PTPRD: variants seen among roughly 807,000 people sequenced by gnomAD.
PTPRD encodes receptor-type tyrosine-protein phosphatase delta.
Under a neutral mutation model 214.5 loss-of-function variants are expected in PTPRD, and 34 were observed. The observed-to-expected ratio is 0.16, with a 90% CI of 0.12 to 0.21. The LOEUF is 0.21. Ranked by LOEUF, PTPRD falls within the 10% of genes least tolerant of loss-of-function variation. The pLI, the probability that PTPRD is intolerant of heterozygous loss-of-function variation, is 1.00. For missense variants in PTPRD, 2,545 were observed against 2,398.7 expected (o/e 1.06, Z -1.27); for synonymous variants, 1,128 against 845.7 (o/e 1.33, Z -5.79).
chr9:9,253,229 T>C (rs891256330), intron 9 of PTPRD, among the ~76,000 whole-genome samples: 2 of 152,058 alleles, frequency 1.3e-5, no homozygotes, highest in African/African-American at 2.4e-5. Context: ...GCCAGGATCA[T>C]GATATCTATT....
intron 36 of PTPRD, among the ~76,000 whole-genome samples, chr9:8,394,511 T>C (rs534317061): frequency 1.1e-3 from 162 of 152,290 alleles, no homozygotes; most frequent in Non-Finnish European, 1.9e-3. Context: ...CCTGGACTCC[T>C]GTCTAGGGCT....
At chr9:9,182,944 C>A (rs1439115949) in intron 10 of PTPRD, among the ~76,000 whole-genome samples, 1 of 151,892 alleles carries the variant, frequency 6.6e-6, no homozygotes, top group South Asian at 2.1e-4. Context: ...AATTTCATAG[C>A]AGCAGCAGCT....
intron 2 of PTPRD, among the ~76,000 whole-genome samples, chr9:10,498,180 T>A (rs2042657788): frequency 6.6e-6 from 1 of 151,990 alleles, no homozygotes; most frequent in Admixed American, 6.6e-5. Context: ...AGACATGACA[T>A]GCTACCTAAC....
intron 10 of PTPRD, among the ~76,000 whole-genome samples, chr9:9,146,898 A>C (rs1463221183): frequency 2.6e-5 from 4 of 152,156 alleles, no homozygotes; most frequent in Non-Finnish European, 4.4e-5. Context: ...GAACAACAAT[A>C]ACTAAACACA....
At position 8,320,891 on chromosome 9, in the gene PTPRD, A is replaced by T. The variant is rs1406978442; in HGVS notation, c.5535-925T>A. 2.6e-5 allele frequency among the ~76,000 whole-genome samples: 4 copies of T among 152,118 alleles called. 1 individual carries two copies. The South Asian group carries it at 6.2e-4, about 24-fold the overall frequency. On this transcript the variant is annotated intron_variant, in intron 44 of 45. Transcript: ENST00000381196. ...AGGGAAACAGTGAATAATCTGAAAA[A>T]TCCCTGCATTTTTGGATCCTAATTA...
chr9:9,666,676 C>A (rs961773658), intron 7 of PTPRD, among the ~76,000 whole-genome samples: 2 of 151,998 alleles, frequency 1.3e-5, no homozygotes, highest in African/African-American at 4.8e-5. Flanking sequence ...TACCTAAGGT[C>A]TTTACTTTCA....
chr9:8,505,438 T>C (rs375333934), intron 22 of PTPRD, among the ~76,000 whole-genome samples: 87 of 151,914 alleles, frequency 5.7e-4, no homozygotes, highest in Admixed American at 3.6e-3. Context: ...CTGGCTAACA[T>C]GGTGAAATCC....
At chr9:10,077,831 T>TC (rs1491251482) in intron 3 of PTPRD, among the ~76,000 whole-genome samples, 4 of 72,528 alleles carry the variant, frequency 5.5e-5, no homozygotes, top group Admixed American at 1.3e-4. Flanking sequence ...ATGATCTCTC[T>TC]TTTTTTTTTT....
At chr9:9,507,333 T>C (rs763665385) in intron 8 of PTPRD, among the ~76,000 whole-genome samples, 2 of 151,162 alleles carry the variant, frequency 1.3e-5, no homozygotes, top group Non-Finnish European at 3.0e-5. Flanking sequence ...GCTACCTGGG[T>C]AATAGGATAA....
At chr9:9,664,088 T>TAAAAAAAAAAA (rs71319290) in intron 7 of PTPRD, among the ~76,000 whole-genome samples, 2 of 114,538 alleles carry the variant, frequency 1.7e-5, no homozygotes, top group Non-Finnish European at 3.7e-5. Context: ...CACTCCTGTG[T>TAAAAAAAAAAA]AAAAAAAAAA....
chr9:9,415,043 T>C (rs1223758912), intron 8 of PTPRD, among the ~76,000 whole-genome samples: 1 of 152,226 alleles, frequency 6.6e-6, no homozygotes, highest in African/African-American at 2.4e-5. Flanking sequence ...CATTGCATTT[T>C]GAACTGGACC....
At chr9:10,531,468 T>C (rs1373565245) in intron 2 of PTPRD, among the ~76,000 whole-genome samples, 1 of 152,244 alleles carries the variant, frequency 6.6e-6, no homozygotes, top group East Asian at 1.9e-4. Context: ...GGGAGCCTAA[T>C]AAAAATGGTA....
At chr9:9,040,102 A>C (rs1474063517) in intron 10 of PTPRD, among the ~76,000 whole-genome samples, 1 of 152,184 alleles carries the variant, frequency 6.6e-6, no homozygotes, top group Non-Finnish European at 1.5e-5. Context: ...AGGCTCACAG[A>C]TGTTCCTTAA....
At chr9:10,354,317 G>A (rs182357524) in intron 2 of PTPRD, among the ~76,000 whole-genome samples, 149 of 152,152 alleles carry the variant, frequency 9.8e-4, no homozygotes, top group Non-Finnish European at 1.8e-3. Flanking sequence ...TTATCTCTAT[G>A]TATATCAAAT....
chr9:8,561,611 G>T (rs1416079417), intron 14 of PTPRD, among the ~76,000 whole-genome samples: 1 of 152,176 alleles, frequency 6.6e-6, no homozygotes, highest in Non-Finnish European at 1.5e-5. Flanking sequence ...GGGGTGAGGG[G>T]GGGTGGAGAG....
At chr9:9,347,123 T>C (rs1292455280) in intron 9 of PTPRD, among the ~76,000 whole-genome samples, 1 of 152,108 alleles carries the variant, frequency 6.6e-6, no homozygotes, top group East Asian at 1.9e-4. Context: ...GCTGTGGTCT[T>C]ACTACAATGC....
chr9:9,741,219 A>G (rs2098397212), intron 6 of PTPRD, among the ~76,000 whole-genome samples: 1 of 152,226 alleles, frequency 6.6e-6, no homozygotes, highest in Non-Finnish European at 1.5e-5. Context: ...TCTGTGGCTC[A>G]GGAGAATTTT....
At chr9:9,116,492 AT>A (rs1051670750) in intron 10 of PTPRD, among the ~76,000 whole-genome samples, 3 of 152,046 alleles carry the variant, frequency 2.0e-5, no homozygotes, top group African/African-American at 7.2e-5. Context: ...GGGCTGAGGG[AT>A]GAAAAGTTAC....
intron 2 of PTPRD, among the ~76,000 whole-genome samples, chr9:10,359,019 T>C (rs1046516378): frequency 6.6e-6 from 1 of 152,064 alleles, no homozygotes; most frequent in Non-Finnish European, 1.5e-5. Context: ...TAAGTTGTTT[T>C]TTCCTTGCCT....
Sources: gnomAD v4.1 joint callset for allele counts (sites outside exome capture counted in the v4.1 genomes callset) on GRCh38, gnomAD v4.1.1 for gene constraint, MANE v1.5 for transcripts, NCBI Gene and HGNC (gene_info 2026-07-23, HGNC 2026-07-21) for gene names.